Variants in DEFB125 observed in about 807,000 individuals in gnomAD.
The protein encoded by DEFB125 is beta-defensin 125.
DEFB125 carries 11 observed loss-of-function variants against 11.8 expected under a neutral mutation model. The ratio of observed to expected loss-of-function variants is 0.94; its 90% CI spans 0.59 to 1.55. The LOEUF is 1.55. DEFB125 is among the 40% of genes most tolerant of loss of function. The pLI is 0.00. For synonymous variants in DEFB125, 79 were observed against 66.7 expected (o/e 1.18, Z -0.90); for missense variants, 198 against 191.2 (o/e 1.04, Z -0.21).
In DEFB125 at chr20:96,238, G is replaced by T; in HGVS notation, c.292G>T (p.Asp98Tyr). ...FTGSPVSMLN[D>Y]LITFDTTKFG... Reference sequence around the variant, plus strand: ...TGGTTCCCCAGTATCTATGTTGAATGATCTGATAACATTTGACACAACTAA... The same window carrying T: ...TGGTTCCCCAGTATCTATGTTGAATTATCTGATAACATTTGACACAACTAA... Residue 98 changes from aspartate (D) to tyrosine (Y), a missense_variant, in exon 2 of 2, where the codon GAT (aspartate) becomes TAT (tyrosine). Physicochemically the swap from Asp to Tyr is radical, Grantham distance 160. Coordinates refer to ENST00000382410, the MANE Select transcript of DEFB125 (RefSeq NM_153325.4). 1 of 1,614,110 alleles carries T rather than the reference G, an allele frequency of 6.2e-7. No homozygotes were observed. The highest frequency in any genetic ancestry group is 1.1e-5 in the South Asian group (1 of 91,080).
intron 1 of DEFB125, among the ~76,000 whole-genome samples, chr20:93,263 C>A (rs921988046): frequency 6.6e-6 from 1 of 152,138 alleles, no homozygotes; most frequent in African/African-American, 2.4e-5. Context: ...GCCACTGCGC[C>A]CAGACTGCTT....
At chr20:94,857 A>T (rs1396667496) in intron 1 of DEFB125, among the ~76,000 whole-genome samples, 1 of 152,086 alleles carries the variant, frequency 6.6e-6, no homozygotes, top group Non-Finnish European at 1.5e-5. Context: ...AACATGTGGT[A>T]TTTATCTTTT....
intron 1 of DEFB125, among the ~76,000 whole-genome samples, chr20:91,677 G>A (rs566837189): frequency 2.9e-4 from 44 of 152,302 alleles, no homozygotes; most frequent in African/African-American, 8.9e-4. Flanking sequence ...AAAGCAGTAG[G>A]AAGGAATGTA....
chr20:87,777 C>T lies in DEFB125; in HGVS notation c.58+10C>T, dbSNP rs2054481388. 2 of 1,612,524 alleles carry T rather than the reference C, an allele frequency of 1.2e-6. No homozygotes were observed. Among genetic ancestry groups the T allele is most frequent in the African/African-American group, 1.3e-5 (1 of 74,856 alleles). Reference sequence around the variant, plus strand: ...ACTCGGGTGACCAAAGGTAATGGAACCCTATAAAGCAGAGATGATGACTAG... The same window carrying T: ...ACTCGGGTGACCAAAGGTAATGGAATCCTATAAAGCAGAGATGATGACTAG... On this transcript the variant is annotated intron_variant, in intron 1 of 1. Coordinates refer to ENST00000382410, the MANE Select transcript of DEFB125 (RefSeq NM_153325.4).
At chr20:89,369 T>A (rs1196926647) in intron 1 of DEFB125, among the ~76,000 whole-genome samples, 1 of 152,106 alleles carries the variant, frequency 6.6e-6, no homozygotes. Context: ...AGTAAAAAAA[T>A]TGTAAAGAAG....
Position 96,385 on chromosome 20 carries a change from C to T in DEFB125, c.439C>T (p.Pro147Ser), listed in dbSNP as rs1292785833. Residue 147 changes from proline (P) to serine (S), a missense_variant, in exon 2 of 2, where the codon CCA becomes TCA. Pro to Ser is a moderately conservative substitution (Grantham distance 74). Transcript: ENST00000382410. Reference sequence around the variant, plus strand: ...GACTGCTACTTCCGAGACTATGCCACCACCTTCTCAGACAGCTCTTACTCA... The same window carrying T: ...GACTGCTACTTCCGAGACTATGCCATCACCTTCTCAGACAGCTCTTACTCA... ...SETATSETMP[P>S]PSQTALTHN The T allele has an allele frequency of 6.2e-6, 10 of 1,613,592 alleles. No homozygotes were observed. The highest frequency in any genetic ancestry group is 8.5e-6 in the Non-Finnish European group (10 of 1,179,810).
intron 1 of DEFB125, among the ~76,000 whole-genome samples, chr20:89,507 CTG>C (rs1168459597): frequency 2.0e-5 from 3 of 152,040 alleles, no homozygotes; most frequent in South Asian, 2.1e-4. Flanking sequence ...TTTTCAAAAA[CTG>C]TATTTCCAAT....
intron 1 of DEFB125, among the ~76,000 whole-genome samples, chr20:91,201 T>C (rs890179933): frequency 1.3e-5 from 2 of 152,204 alleles, no homozygotes; most frequent in African/African-American, 4.8e-5. Context: ...TAATATACTT[T>C]TTGTTGTTAA....
intron 1 of DEFB125, among the ~76,000 whole-genome samples, chr20:94,365 T>TGGCACCAGGGACCAGTTTTGTG (rs963042385): frequency 2.6e-5 from 4 of 152,268 alleles, no homozygotes; most frequent in African/African-American, 9.6e-5. Context: ...GGACCCCTTT[T>TGGCACCAGGGACCAGTTTTGTG]GGCACCAGGG....
intron 1 of DEFB125, 63 bp downstream of exon 1, chr20:87,830 G>A (rs1303054804): frequency 1.1e-5 from 17 of 1,549,270 alleles, no homozygotes; most frequent in Non-Finnish European, 3.6e-6. Flanking sequence ...GGGCTCCCCT[G>A]GTATCATGAT....
Position 96,053 on chromosome 20 carries a change from G to A in DEFB125, c.107G>A (p.Arg36Lys). ...KCWKNNVGHC[R>K]RRCLDTERYI... ...TGGAAGAATAATGTAGGACATTGCA[G>A]AAGACGATGTTTAGATACTGAAAGG... is the stretch of plus-strand genomic sequence containing the variant. The change falls in exon 2 of 2, where the codon AGA (arginine) becomes AAA (lysine). Residue 36 changes from arginine (R) to lysine (K), a missense_variant. Transcript: ENST00000382410. 3.1e-6 allele frequency: 5 copies of A among 1,613,398 alleles called. No homozygotes were observed. The highest frequency in any genetic ancestry group is 1.3e-5 in the African/African-American group (1 of 75,040).
At position 96,470 on chromosome 20, in the gene DEFB125, C is replaced by T. The variant is rs1280670647; in HGVS notation, c.*53C>T. 2 of 1,541,354 alleles carry T rather than the reference C, an allele frequency of 1.3e-6. No homozygotes were observed. The highest frequency in any genetic ancestry group is 2.3e-5 in the East Asian group (1 of 44,408). Reference sequence around the variant, plus strand: ...CTAGAAATACTGCTGGAAATAATATCCAAAGAGCTGATTCTACCAATCCAA... The same window carrying T: ...CTAGAAATACTGCTGGAAATAATATTCAAAGAGCTGATTCTACCAATCCAA... On this transcript the variant is annotated 3_prime_UTR_variant, in exon 2 of 2. Coordinates refer to ENST00000382410, the MANE Select transcript of DEFB125 (RefSeq NM_153325.4).
chr20:90,761 G>A (rs1354222907), intron 1 of DEFB125, among the ~76,000 whole-genome samples: 1 of 152,086 alleles, frequency 6.6e-6, no homozygotes, highest in Non-Finnish European at 1.5e-5. Context: ...ACAAGCCCCA[G>A]TGCTCTTCCC....
At chr20:92,141 C>T (rs944251687) in intron 1 of DEFB125, among the ~76,000 whole-genome samples, 6 of 152,040 alleles carry the variant, frequency 3.9e-5, no homozygotes, top group African/African-American at 1.4e-4. Context: ...AAATTACTTG[C>T]TCTTCTGCAC....
chr20:92,375 C>T (rs1490455547), intron 1 of DEFB125, among the ~76,000 whole-genome samples: 1 of 150,656 alleles, frequency 6.6e-6, no homozygotes, highest in East Asian at 1.9e-4. Flanking sequence ...CTGCATTTCT[C>T]TTGTAAATGA....
intron 1 of DEFB125, among the ~76,000 whole-genome samples, chr20:88,259 A>G (rs1814545433): frequency 6.6e-6 from 1 of 152,102 alleles, no homozygotes; most frequent in South Asian, 2.1e-4. Context: ...AAGAGACAAT[A>G]TATATGTTTG....
rs771370558 is a variant in DEFB125 at position 96,342 on chromosome 20, T to C, written c.396T>C (p.Thr132=). 6.2e-7 allele frequency: 1 copy of C among 1,613,468 alleles called. No individual in the cohort carries two copies. The highest frequency in any genetic ancestry group is 8.5e-7 in the Non-Finnish European group (1 of 1,179,462). The change falls in exon 2 of 2, where the codon ACT becomes ACC. Residue 132 remains threonine (T), a synonymous_variant. Transcript: ENST00000382410. ...CATCTGAGGCCACTACTCCCGAGAC[T>C]ACTATGCCACCATCTGAGACTGCTA... ...MPPSEATTPE[T]TMPPSETATS...
chr20:90,612 C>T (rs912618024), intron 1 of DEFB125, among the ~76,000 whole-genome samples: 1 of 152,204 alleles, frequency 6.6e-6, no homozygotes, highest in Non-Finnish European at 1.5e-5. Flanking sequence ...GCTCAAAACT[C>T]TGCTATGGCC....
chr20:90,399 AT>A (rs1242745926), intron 1 of DEFB125, among the ~76,000 whole-genome samples: 1 of 152,192 alleles, frequency 6.6e-6, no homozygotes, highest in Non-Finnish European at 1.5e-5. Context: ...AGTCTATTAC[AT>A]CTGCCTGCAA....
Sources: allele counts gnomAD v4.1 joint callset (sites outside exome capture counted in the v4.1 genomes callset), GRCh38; gene constraint gnomAD v4.1.1; transcripts MANE v1.5; gene names NCBI Gene and HGNC (gene_info 2026-07-23, HGNC 2026-07-21).